Variants in SUCLA2 observed in about 807,000 individuals in gnomAD.
SUCLA2 encodes the protein succinate-CoA ligase ADP-forming subunit beta, also known as succinate--CoA ligase [ADP-forming] subunit beta, mitochondrial.
SUCLA2 carries 30 observed loss-of-function variants against 54.8 expected under a neutral mutation model. That is an observed-to-expected ratio of 0.55 (90% CI 0.41 to 0.74). SUCLA2 has a LOEUF of 0.74. Ranked by LOEUF, SUCLA2 falls within the 30% of genes least tolerant of loss-of-function variation. The pLI, the probability that SUCLA2 is intolerant of heterozygous loss-of-function variation, is 0.00. For synonymous variants in SUCLA2, 172 were observed against 188.9 expected (o/e 0.91, Z 0.74); for missense variants, 476 against 562.9 (o/e 0.85, Z 1.56).
Position 47,949,509 on chromosome 13 carries a change from T to G in SUCLA2, c.1202A>C (p.Lys401Thr), listed in dbSNP as rs528579031. ...IVMAVKDLEI[K>T]IPVVVRLQGT... ...TTGTAACCGTACCACAACAGGTATT[T>G]TAATTTCCAAGTCTTTTACTGCCAT... The change falls in exon 9 of 11, where the codon AAA becomes ACA. Residue 401 changes from lysine to threonine, a missense_variant. Lys to Thr is a moderately conservative substitution (Grantham distance 78). This residue lies in a region of SUCLA2 where 342 missense variants were observed against 444.2 expected (regional missense o/e 0.77). Coordinates refer to ENST00000646932, the MANE Select transcript of SUCLA2 (RefSeq NM_003850.3). The G allele has an allele frequency of 6.2e-7, 1 of 1,613,636 alleles. No homozygotes were observed. The highest frequency in any genetic ancestry group is 1.3e-5 in the African/African-American group (1 of 75,014).
intron 10 of SUCLA2, among the ~76,000 whole-genome samples, chr13:47,946,467 T>C (rs1175641710): frequency 2.0e-5 from 3 of 151,958 alleles, no homozygotes; most frequent in Non-Finnish European, 4.4e-5. Flanking sequence ...AGGTTGCCTG[T>C]TGGGGAAGAA....
intron 5 of SUCLA2, chr13:47,971,599 GAGAAAACC>G (rs56274562): frequency 0.65 from 206,269 of 314,982 alleles, 68,888 homozygotes; most frequent in East Asian, 0.77. Context: ...AAGGACAATA[GAGAAAACC>G]AGTAAAACTG....
chr13:47,980,353 T>G (rs982278630), intron 4 of SUCLA2, among the ~76,000 whole-genome samples: 1 of 151,906 alleles, frequency 6.6e-6, no homozygotes, highest in East Asian at 1.9e-4. Context: ...AAATGCAGGT[T>G]GCAGTGAGCT....
At chr13:47,992,407 A>C (rs1231976536) in intron 2 of SUCLA2, among the ~76,000 whole-genome samples, 1 of 151,710 alleles carries the variant, frequency 6.6e-6, no homozygotes, top group Non-Finnish European at 1.5e-5. Context: ...AAAAAAAAAA[A>C]AAATTTTTCA....
chr13:47,943,843 CA>C (rs1949708279), intron 10 of SUCLA2, among the ~76,000 whole-genome samples: 1 of 150,606 alleles, frequency 6.6e-6, no homozygotes, highest in South Asian at 2.1e-4. Flanking sequence ...CTCCACAACT[CA>C]AAGCACATCT....
intron 6 of SUCLA2, among the ~76,000 whole-genome samples, chr13:47,958,199 T>A (rs1949837349): frequency 6.6e-6 from 1 of 152,168 alleles, no homozygotes; most frequent in South Asian, 2.1e-4. Context: ...AAAATCAAAC[T>A]GCCCTGAAAA....
chr13:47,958,672 T>A (rs903400934), intron 6 of SUCLA2, among the ~76,000 whole-genome samples: 2 of 152,208 alleles, frequency 1.3e-5, no homozygotes, highest in South Asian at 4.1e-4. Flanking sequence ...AACAAAATGA[T>A]CTTTGTGCAA....
intron 2 of SUCLA2, among the ~76,000 whole-genome samples, chr13:47,996,063 C>G (rs1950187693): frequency 6.6e-6 from 1 of 152,056 alleles, no homozygotes; most frequent in African/African-American, 2.4e-5. Flanking sequence ...GTGGCTCACA[C>G]CTGTAATCCC....
At chr13:47,994,737 A>G (rs1318486029) in intron 2 of SUCLA2, 34 of 727,082 alleles carry the variant, frequency 4.7e-5, no homozygotes, top group Non-Finnish European at 5.4e-5. Flanking sequence ...TCTTTGACAA[A>G]AAACACACTT....
At chr13:47,944,757 G>T (rs1340489879) in intron 10 of SUCLA2, among the ~76,000 whole-genome samples, 1 of 152,080 alleles carries the variant, frequency 6.6e-6, no homozygotes, top group Non-Finnish European at 1.5e-5. Flanking sequence ...TTGTTTACTA[G>T]TAAGTACTTT....
intron 6 of SUCLA2, 86 bp from the exon 7 acceptor site, chr13:47,954,643 GAA>G: frequency 7.4e-7 from 1 of 1,351,708 alleles, no homozygotes; most frequent in Non-Finnish European, 1.0e-6. Context: ...TTCATTTAGG[GAA>G]AAGACACATT....
intron 4 of SUCLA2, among the ~76,000 whole-genome samples, chr13:47,985,643 G>A (rs1950096825): frequency 6.6e-6 from 1 of 152,146 alleles, no homozygotes; most frequent in South Asian, 2.1e-4. Flanking sequence ...ATCATCGGTG[G>A]ATGTTTAGGT....
intron 4 of SUCLA2, among the ~76,000 whole-genome samples, chr13:47,984,526 G>A (rs182614488): frequency 6.6e-6 from 1 of 152,004 alleles, no homozygotes; most frequent in Non-Finnish European, 1.5e-5. Context: ...CTTAACCTAA[G>A]TTCTTCTTCT....
chr13:47,972,037 T>C (rs1263949534), intron 5 of SUCLA2: 5 of 387,844 alleles, frequency 1.3e-5, no homozygotes, highest in East Asian at 3.6e-5. Flanking sequence ...GATCACCTGA[T>C]GTCAGGAGTT....
intron 8 of SUCLA2, among the ~76,000 whole-genome samples, chr13:47,951,001 C>CTT (rs1949771098): frequency 6.6e-6 from 1 of 152,074 alleles, no homozygotes; most frequent in Admixed American, 6.6e-5. Flanking sequence ...TCATAGCAGC[C>CTT]TTTGGCATCT....
chr13:47,967,324 CCTTTA>C (rs561093644), intron 6 of SUCLA2, among the ~76,000 whole-genome samples: 67 of 151,884 alleles, frequency 4.4e-4, no homozygotes, highest in Non-Finnish European at 8.8e-4. Flanking sequence ...CACTGCAGAA[CCTTTA>C]CTTTAGCATT....
intron 9 of SUCLA2, among the ~76,000 whole-genome samples, chr13:47,949,272 CA>C (rs1269417279): frequency 1.3e-5 from 2 of 151,978 alleles, no homozygotes; most frequent in Non-Finnish European, 2.9e-5. Context: ...CAAATCACAA[CA>C]AATAAAAAGT....
At chr13:47,955,780 T>A (rs1013504661) in intron 6 of SUCLA2, among the ~76,000 whole-genome samples, 1 of 152,128 alleles carries the variant, frequency 6.6e-6, no homozygotes, top group Non-Finnish European at 1.5e-5. Context: ...AGGTCACCTC[T>A]CTGACTTCAC....
intron 6 of SUCLA2, among the ~76,000 whole-genome samples, chr13:47,956,408 G>C (rs1949821876): frequency 1.3e-5 from 2 of 152,122 alleles, no homozygotes; most frequent in South Asian, 4.1e-4. Flanking sequence ...TGACCTCTTG[G>C]ACAATATCAA....
Sources: allele counts gnomAD v4.1 joint callset (sites outside exome capture counted in the v4.1 genomes callset), GRCh38; gene constraint gnomAD v4.1.1; regional missense constraint gnomAD v4.1.1; transcripts MANE v1.5; gene names NCBI Gene and HGNC (gene_info 2026-07-23, HGNC 2026-07-21).